Variants in SCFD2 observed in about 807,000 individuals in gnomAD.
The protein encoded by SCFD2 is sec1 family domain-containing protein 2.
In SCFD2, 54 loss-of-function variants were observed where a neutral mutation model predicts 58.9. The observed-to-expected ratio is 0.92, with a 90% CI of 0.74 to 1.15. SCFD2 has a LOEUF of 1.15. SCFD2 is among the 50% of genes most tolerant of loss of function. The pLI, the probability that SCFD2 is intolerant of heterozygous loss-of-function variation, is 0.00. For synonymous variants in SCFD2, 321 were observed against 335.9 expected (o/e 0.96, Z 0.49); for missense variants, 805 against 836.6 (o/e 0.96, Z 0.47).
intron 3 of SCFD2, among the ~76,000 whole-genome samples, chr4:53,288,545 A>C (rs1471247537): frequency 2.0e-5 from 3 of 152,268 alleles, no homozygotes; most frequent in Non-Finnish European, 4.4e-5. Flanking sequence ...ATTTCTAAAC[A>C]GAAACTTTGC....
chr4:53,249,963 A>G (rs184571990), intron 4 of SCFD2, among the ~76,000 whole-genome samples: 4 of 152,352 alleles, frequency 2.6e-5, no homozygotes, highest in African/African-American at 9.6e-5. Flanking sequence ...TCAACTTTAA[A>G]TGTAAATGAA....
chr4:53,081,975 G>A (rs1724160642), intron 5 of SCFD2, among the ~76,000 whole-genome samples: 2 of 152,036 alleles, frequency 1.3e-5, no homozygotes, highest in Admixed American at 6.6e-5. Flanking sequence ...TTTATGTGTG[G>A]CTTCTTTAAT....
At chr4:53,111,330 T>C (rs1290251189) in intron 5 of SCFD2, among the ~76,000 whole-genome samples, 2 of 152,044 alleles carry the variant, frequency 1.3e-5, no homozygotes, top group Admixed American at 1.3e-4. Flanking sequence ...GAACTTAAAA[T>C]ATAATCATAA....
chr4:53,093,663 A>G (rs1724535736), intron 5 of SCFD2, among the ~76,000 whole-genome samples: 1 of 152,210 alleles, frequency 6.6e-6, no homozygotes, highest in South Asian at 2.1e-4. Flanking sequence ...AAAGCTCTTT[A>G]CATGCTGATA....
intron 3 of SCFD2, among the ~76,000 whole-genome samples, chr4:53,298,565 C>T (rs535563774): frequency 2.6e-5 from 4 of 152,304 alleles, no homozygotes; most frequent in East Asian, 1.9e-4. Context: ...TGCAGACTTA[C>T]ATGTCCCTGT....
intron 1 of SCFD2, among the ~76,000 whole-genome samples, chr4:53,363,521 A>C (rs1183676808): frequency 3.9e-5 from 6 of 151,912 alleles, no homozygotes; most frequent in Non-Finnish European, 5.9e-5. Context: ...GGCAGAAGTT[A>C]TGCTCACCTT....
intron 2 of SCFD2, among the ~76,000 whole-genome samples, chr4:53,342,670 A>G (rs967763681): frequency 5.9e-5 from 9 of 152,246 alleles, no homozygotes; most frequent in East Asian, 1.9e-4. Flanking sequence ...TTCCAGCACC[A>G]TATTGCACTT....
chr4:53,078,389 G>T (rs1266467974), intron 5 of SCFD2, among the ~76,000 whole-genome samples: 1 of 152,082 alleles, frequency 6.6e-6, no homozygotes, highest in Non-Finnish European at 1.5e-5. Context: ...AATGTTAAGA[G>T]CACAGCCATA....
intron 4 of SCFD2, among the ~76,000 whole-genome samples, chr4:53,185,798 C>G (rs1448588144): frequency 6.6e-6 from 1 of 151,968 alleles, no homozygotes; most frequent in African/African-American, 2.4e-5. Flanking sequence ...GAACAATTTT[C>G]AAAATAAAAG....
rs537284333 is a variant in SCFD2 at position 53,344,812 on chromosome 4, T to C, written c.1007+7786A>G. On this transcript the variant is annotated intron_variant, in intron 2 of 8. Coordinates refer to ENST00000401642, the MANE Select transcript of SCFD2 (RefSeq NM_152540.4). ...GTAACACCACACATCTACAATCACCTGACTTTTGACAAACCTGAGAAAACA... is the reference window on the plus strand; with the variant it reads ...GTAACACCACACATCTACAATCACCCGACTTTTGACAAACCTGAGAAAACA... Among the ~76,000 whole-genome samples, 26 of 152,316 alleles carry C rather than the reference T, an allele frequency of 1.7e-4. No individual in the cohort carries two copies. In the East Asian group the frequency reaches 3.7e-3, roughly 21 times the overall value.
intron 7 of SCFD2, among the ~76,000 whole-genome samples, chr4:52,899,782 T>C (rs1162647035): frequency 1.3e-5 from 2 of 152,250 alleles, no homozygotes; most frequent in Admixed American, 1.3e-4. Flanking sequence ...CACTTTCAGG[T>C]ACATCAGTTA....
chr4:52,875,347 T>C (rs1290981962), intron 8 of SCFD2, among the ~76,000 whole-genome samples: 4 of 152,180 alleles, frequency 2.6e-5, no homozygotes, highest in Non-Finnish European at 4.4e-5. Context: ...GGGCGTGATG[T>C]GCTTTGCAAG....
intron 5 of SCFD2, among the ~76,000 whole-genome samples, chr4:52,928,946 A>G (rs1719925646): frequency 6.6e-6 from 1 of 152,194 alleles, no homozygotes; most frequent in Admixed American, 6.5e-5. Context: ...GATTTTCTTG[A>G]GCGGCTGATA....
chr4:53,096,345 G>A (rs1724633621), intron 5 of SCFD2, among the ~76,000 whole-genome samples: 2 of 152,200 alleles, frequency 1.3e-5, no homozygotes, highest in Non-Finnish European at 2.9e-5. Flanking sequence ...CAGTGTCAAA[G>A]TGTTCTTATT....
intron 4 of SCFD2, among the ~76,000 whole-genome samples, chr4:53,180,093 G>C (rs905508087): frequency 2.0e-5 from 3 of 152,134 alleles, no homozygotes; most frequent in African/African-American, 7.2e-5. Flanking sequence ...ACAGAACAAC[G>C]AGACAGAAAG....
At chr4:53,313,795 T>C (rs142251849) in intron 2 of SCFD2, 32 bp from the exon 3 acceptor site, 1 of 1,612,204 alleles carries the variant, frequency 6.2e-7, no homozygotes, top group Middle Eastern at 1.7e-4. Flanking sequence ...AGCTTTAGAA[T>C]AAATTTCTAC....
In SCFD2 at chr4:52,974,823, T is replaced by C. The variant is rs1004121499; in HGVS notation, c.1562-53953A>G. The stretch of plus-strand genomic sequence containing the variant: ...CATGGTACTGGTACCAAAACAGAGA[T>C]ATAGACCAATGGAACAGAACAGAGC... On this transcript the variant is annotated intron_variant, in intron 5 of 8. Transcript: ENST00000401642. 6.1e-4 allele frequency among the ~76,000 whole-genome samples: 92 copies of C among 151,972 alleles called. 1 individual carries two copies. Among genetic ancestry groups the C allele is most frequent in the African/African-American group, 2.1e-3 (86 of 41,480 alleles).
At chr4:53,098,447 G>C (rs1724729305) in intron 5 of SCFD2, among the ~76,000 whole-genome samples, 1 of 152,082 alleles carries the variant, frequency 6.6e-6, no homozygotes, top group South Asian at 2.1e-4. Flanking sequence ...AGTCTTGGAG[G>C]GTGTATGTGT....
At chr4:52,922,821 C>T (rs903261385) in intron 5 of SCFD2, among the ~76,000 whole-genome samples, 4 of 152,314 alleles carry the variant, frequency 2.6e-5, no homozygotes, top group Middle Eastern at 3.4e-3. Context: ...TTTACATTCC[C>T]ACCAACAGTG....
Sources: allele counts gnomAD v4.1 joint callset (sites outside exome capture counted in the v4.1 genomes callset), GRCh38; gene constraint gnomAD v4.1.1; transcripts MANE v1.5; gene names NCBI Gene and HGNC (gene_info 2026-07-23, HGNC 2026-07-21).